The following SPINK6 variants were observed in gnomAD, a reference collection of about 807,000 sequenced individuals.
The protein encoded by SPINK6 is serine protease inhibitor Kazal-type 6.
SPINK6 carries 13 observed loss-of-function variants against 11.7 expected under a neutral mutation model. The observed-to-expected ratio is 1.11, with a 90% CI of 0.72 to 1.76. The LOEUF (loss-of-function observed/expected upper bound fraction) is 1.76. SPINK6 is among the 40% of genes most tolerant of loss of function. SPINK6 has a pLI of 0.00. For missense variants in SPINK6, 98 were observed against 93.7 expected (o/e 1.05, Z -0.19); for synonymous variants, 21 against 31.9 (o/e 0.66, Z 1.15).
Position 148,213,913 on chromosome 5 carries a change from G to A in SPINK6, c.85G>A (p.Asp29Asn), listed in dbSNP as rs766093713. The A allele has an allele frequency of 1.0e-5, 16 of 1,566,666 alleles. No individual in the cohort carries two copies. In the South Asian group the frequency reaches 1.7e-4, roughly 16 times the overall value. ...GTCACTCTGCTTACTTTGGTAGGTT[G>A]ACTGTGGTGAGTTCCAGGACCCCAA... ...TGVFSQGGQV[D>N]CGEFQDPKVY... The change falls in exon 3 of 4, where the codon GAC becomes AAC. Residue 29 changes from aspartate (D) to asparagine (N), a missense_variant. By Grantham distance (23) the Asp-to-Asn change is conservative (BLOSUM62 1). Coordinates refer to ENST00000325630, the MANE Select transcript of SPINK6 (RefSeq NM_205841.4).
At chr5:148,207,105 A>G (rs1377477164) in intron 2 of SPINK6, among the ~76,000 whole-genome samples, 2 of 152,052 alleles carry the variant, frequency 1.3e-5, no homozygotes. Context: ...TGGCATTGTC[A>G]TATGAAACTG....
chr5:148,206,930 C>G (rs1331115314), intron 2 of SPINK6, among the ~76,000 whole-genome samples: 1 of 152,010 alleles, frequency 6.6e-6, no homozygotes, highest in Non-Finnish European at 1.5e-5. Flanking sequence ...ATTTTCCAAC[C>G]CTGATATACC....
chr5:148,209,814 TA>T (rs1220156148), intron 2 of SPINK6, among the ~76,000 whole-genome samples: 1 of 151,694 alleles, frequency 6.6e-6, no homozygotes, highest in Non-Finnish European at 1.5e-5. Flanking sequence ...TTGGAGAATC[TA>T]AAAAATGCTG....
chr5:148,204,460 C>T (rs1755472616), intron 1 of SPINK6, among the ~76,000 whole-genome samples: 1 of 149,268 alleles, frequency 6.7e-6, no homozygotes, highest in South Asian at 2.1e-4. Context: ...ATACAGTTTA[C>T]CAAAGCATGG....
At chr5:148,204,780 A>C (rs961649233) in intron 1 of SPINK6, among the ~76,000 whole-genome samples, 1 of 152,144 alleles carries the variant, frequency 6.6e-6, no homozygotes, top group East Asian at 1.9e-4. Flanking sequence ...GGACTCCGTC[A>C]TTGTGAATAT....
rs1371841390 is a variant in SPINK6, at chr5:148,214,914, T to C, written c.207T>C (p.Gly69=). The change falls in exon 4 of 4, where the codon GGT becomes GGC. Residue 69 remains glycine, a synonymous_variant. Coordinates refer to ENST00000325630, the MANE Select transcript of SPINK6 (RefSeq NM_205841.4). The part of the protein sequence containing the change: ...CAFCKAIVKS[G]GKISLKHPGK... The stretch of plus-strand genomic sequence containing the variant: ...TCTTTCTTTTTTGTAGGAAAAGTGG[T>C]GGAAAGATTAGCCTAAAGCATCCTG... The C allele has an allele frequency of 1.1e-5, 18 of 1,613,552 alleles. No individual in the cohort carries two copies. The highest frequency in any genetic ancestry group is 4.5e-5 in the East Asian group (2 of 44,852).
intron 2 of SPINK6, among the ~76,000 whole-genome samples, chr5:148,207,162 G>A (rs769271417): frequency 1.3e-5 from 2 of 151,608 alleles, no homozygotes; most frequent in Non-Finnish European, 2.9e-5. Flanking sequence ...ATGATAGTAT[G>A]GTCTATACTA....
At position 148,209,997 on chromosome 5, in the gene SPINK6, C is replaced by CGTACGGAT. The variant is rs1489201046; in HGVS notation, c.82-3910_82-3909insCGGATGTA. ...GTACGTATGTATGTATACATATACACGTATGTATACATGTATGTACGCATG... is the reference window on the plus strand; with the variant it reads ...GTACGTATGTATGTATACATATACACGTACGGATGTATGTATACATGTATGTACGCATG... On this transcript the variant is annotated intron_variant, in intron 2 of 3. Transcript: ENST00000325630. Among the ~76,000 whole-genome samples the CGTACGGAT allele has an allele frequency of 1.4e-5, 2 of 145,990 alleles. 1 individual carries two copies. Among genetic ancestry groups the CGTACGGAT allele is most frequent in the Non-Finnish European group, 3.1e-5 (2 of 65,506 alleles).
intron 2 of SPINK6, among the ~76,000 whole-genome samples, chr5:148,209,490 A>G (rs1446659922): frequency 6.6e-6 from 1 of 152,204 alleles, no homozygotes; most frequent in Non-Finnish European, 1.5e-5. Context: ...TTAGTTTCAA[A>G]TAAGATAACT....
chr5:148,213,367 T>C (rs542947633), intron 2 of SPINK6, among the ~76,000 whole-genome samples: 64 of 152,076 alleles, frequency 4.2e-4, no homozygotes, highest in African/African-American at 1.5e-3. Flanking sequence ...CGGCTAATTT[T>C]TTTTTGTATT....
chr5:148,215,062 G>C lies in SPINK6; in HGVS notation c.*112G>C. ...TAATTCATAAAGACATACCTACTCT[G>C]CCTGGGTCTTGAGGAGTTCAATGTA... On this transcript the variant is annotated 3_prime_UTR_variant, in exon 4 of 4. Transcript: ENST00000325630. 1 of 1,023,820 alleles carries C rather than the reference G, an allele frequency of 9.8e-7. No homozygotes were observed. The highest frequency in any genetic ancestry group is 1.4e-5 in the South Asian group (1 of 73,174). 63.4% of individuals were successfully genotyped at this position (1,023,820 alleles called of 1,614,324 possible). A position where few individuals can be genotyped will look rare whatever the true frequency, so the allele number is the denominator to read the frequency against.
chr5:148,205,382 A>T (rs1324484737), intron 1 of SPINK6, among the ~76,000 whole-genome samples: 1 of 152,222 alleles, frequency 6.6e-6, no homozygotes, highest in East Asian at 1.9e-4. Context: ...ACACAAACTA[A>T]AATTACACAT....
At chr5:148,210,006 A>G (rs80179431) in intron 2 of SPINK6, among the ~76,000 whole-genome samples, 12,966 of 24,170 alleles carry the variant, frequency 0.54, 3,696 homozygotes, top group Non-Finnish European at 0.68. Context: ...ACGTATGTAT[A>G]CATGTATGTA....
At chr5:148,213,763 G>A in intron 2 of SPINK6, 147 bp from the exon 3 acceptor site, 1 of 585,190 alleles carries the variant, frequency 1.7e-6, no homozygotes, top group Non-Finnish European at 3.1e-6. Flanking sequence ...GAATACATCA[G>A]ATAAGGAGAG....
chr5:148,206,675 T>C (rs962371385), intron 2 of SPINK6, among the ~76,000 whole-genome samples: 2 of 152,194 alleles, frequency 1.3e-5, no homozygotes, highest in African/African-American at 2.4e-5. Flanking sequence ...GTTATCTTCA[T>C]CATTGGATTT....
chr5:148,205,643 C>A (rs532786270), intron 1 of SPINK6, among the ~76,000 whole-genome samples: 3 of 152,166 alleles, frequency 2.0e-5, no homozygotes, highest in Non-Finnish European at 4.4e-5. Flanking sequence ...ATGAAATGAA[C>A]CTTGAAATGT....
intron 2 of SPINK6, among the ~76,000 whole-genome samples, chr5:148,212,836 T>C (rs1424708424): frequency 7.1e-6 from 1 of 140,656 alleles, no homozygotes; most frequent in Non-Finnish European, 1.5e-5. Context: ...CTCTAAAGTA[T>C]ATATATTTAG....
chr5:148,212,641 A>AT (rs1755623661), intron 2 of SPINK6, among the ~76,000 whole-genome samples: 1 of 100,932 alleles, frequency 9.9e-6, no homozygotes, highest in South Asian at 2.5e-4. Flanking sequence ...TATTATATAT[A>AT]ATATAAATAT....
chr5:148,214,763 T>A (rs1485130081), intron 3 of SPINK6, 142 bp from the exon 4 acceptor site: 1 of 646,012 alleles, frequency 1.5e-6, no homozygotes, highest in African/African-American at 1.8e-5. Flanking sequence ...GTGCATTTAA[T>A]TAACATCTTC....
Sources: gnomAD v4.1 joint callset for allele counts (sites outside exome capture counted in the v4.1 genomes callset) on GRCh38, gnomAD v4.1.1 for gene constraint, MANE v1.5 for transcripts, NCBI Gene and HGNC (gene_info 2026-07-23, HGNC 2026-07-21) for gene names.